GPM6A: variants seen among roughly 807,000 people sequenced by gnomAD.
The protein encoded by GPM6A is glycoprotein M6A, also known as neuronal membrane glycoprotein M6-a.
In GPM6A, 7 loss-of-function variants were observed where a neutral mutation model predicts 32.1. The ratio of observed to expected loss-of-function variants is 0.22; its 90% CI spans 0.12 to 0.41. The LOEUF (loss-of-function observed/expected upper bound fraction) is 0.41. Among genes scored for constraint, GPM6A ranks in the 10% least tolerant of loss-of-function variants. GPM6A has a pLI of 1.00. For synonymous variants in GPM6A, 130 were observed against 123.4 expected, an observed-to-expected ratio of 1.05 and a Z score of -0.35; for missense variants, 235 against 347.2, an observed-to-expected ratio of 0.68 and a Z score of 2.57.
chr4:175,724,727 A>C (rs187489534), intron 1 of GPM6A, among the ~76,000 whole-genome samples: 2 of 152,260 alleles, frequency 1.3e-5, no homozygotes, highest in Non-Finnish European at 2.9e-5. Flanking sequence ...TCAGATGAGA[A>C]TAGAATCAGG....
intron 1 of GPM6A, among the ~76,000 whole-genome samples, chr4:175,974,308 G>A (rs946406863): frequency 5.3e-5 from 8 of 152,200 alleles, no homozygotes; most frequent in African/African-American, 1.9e-4. Context: ...GTCCCTTTCA[G>A]ATCCACCCTG....
At chr4:175,850,468 G>C (rs1736218392) in intron 1 of GPM6A, among the ~76,000 whole-genome samples, 1 of 151,816 alleles carries the variant, frequency 6.6e-6, no homozygotes, top group Admixed American at 6.6e-5. Flanking sequence ...ACAAAAATAA[G>C]ACCACAAACA....
chr4:175,993,480 T>G (rs1741213837), intron 1 of GPM6A, among the ~76,000 whole-genome samples: 1 of 152,130 alleles, frequency 6.6e-6, no homozygotes, highest in East Asian at 1.9e-4. Flanking sequence ...TGCCTTAGTG[T>G]TTCTTTCACA....
chr4:175,787,400 C>T, intron 1 of GPM6A: 3 of 1,534,940 alleles, frequency 2.0e-6, no homozygotes, highest in Non-Finnish European at 2.6e-6. Flanking sequence ...TCTATTTTCC[C>T]TTGATTCAAG....
intron 1 of GPM6A, among the ~76,000 whole-genome samples, chr4:175,923,545 T>C (rs80023040): frequency 6.6e-6 from 1 of 151,324 alleles, no homozygotes. Flanking sequence ...TTGCTTTGTG[T>C]TTTTTTGTTG....
chr4:175,948,833 A>G (rs1739702768), intron 1 of GPM6A, among the ~76,000 whole-genome samples: 1 of 152,174 alleles, frequency 6.6e-6, no homozygotes, highest in Non-Finnish European at 1.5e-5. Flanking sequence ...ACTTACTATC[A>G]ATTGTTACTA....
intron 1 of GPM6A, among the ~76,000 whole-genome samples, chr4:175,844,271 T>A (rs1409067261): frequency 6.6e-6 from 1 of 152,230 alleles, no homozygotes; most frequent in Non-Finnish European, 1.5e-5. Flanking sequence ...TGTTCCTTTT[T>A]CTGAACAAAA....
chr4:175,886,674 T>A (rs1369927809), intron 1 of GPM6A, among the ~76,000 whole-genome samples: 8 of 143,124 alleles, frequency 5.6e-5, no homozygotes, highest in Non-Finnish European at 9.2e-5. Context: ...ATCAACGAAA[T>A]ACAACAGAGA....
At chr4:175,755,051 A>AT (rs958791014) in intron 1 of GPM6A, among the ~76,000 whole-genome samples, 3 of 149,596 alleles carry the variant, frequency 2.0e-5, no homozygotes, top group Non-Finnish European at 3.0e-5. Context: ...CTTCAAAAAA[A>AT]TTTTTTTGTG....
At chr4:175,933,609 C>T (rs1216765330) in intron 1 of GPM6A, among the ~76,000 whole-genome samples, 1 of 152,082 alleles carries the variant, frequency 6.6e-6, no homozygotes, top group Non-Finnish European at 1.5e-5. Context: ...TTTTCACGAT[C>T]TTGGCTCACT....
chr4:175,976,022 G>C (rs928632130), intron 1 of GPM6A, among the ~76,000 whole-genome samples: 3 of 152,114 alleles, frequency 2.0e-5, no homozygotes, highest in African/African-American at 7.2e-5. Context: ...TGAAAATTCA[G>C]TGATTTAGAC....
chr4:175,839,960 G>A (rs889758214), intron 1 of GPM6A, among the ~76,000 whole-genome samples: 13 of 152,138 alleles, frequency 8.5e-5, no homozygotes, highest in African/African-American at 3.1e-4. Flanking sequence ...CCTGAAGCGA[G>A]AGAGACCAAT....
chr4:175,847,259 A>C (rs1736119253), intron 1 of GPM6A, among the ~76,000 whole-genome samples: 1 of 152,182 alleles, frequency 6.6e-6, no homozygotes, highest in African/African-American at 2.4e-5. Context: ...TCCTTTCCTT[A>C]AGATGCTCAG....
chr4:175,641,648 C>G (rs1168356848), intron 4 of GPM6A: 1 of 152,088 alleles, frequency 6.6e-6, no homozygotes, highest in Non-Finnish European at 1.5e-5. Flanking sequence ...TTAGCATTTT[C>G]TGCTCTTTAG....
chr4:175,863,759 T>C (rs774215476), intron 1 of GPM6A, among the ~76,000 whole-genome samples: 2 of 152,198 alleles, frequency 1.3e-5, no homozygotes, highest in African/African-American at 2.4e-5. Context: ...CCCAATACTT[T>C]GGGATGCCGA....
intron 1 of GPM6A, among the ~76,000 whole-genome samples, chr4:175,985,088 C>A (rs1464703565): frequency 1.3e-5 from 2 of 152,174 alleles, no homozygotes; most frequent in Non-Finnish European, 2.9e-5. Context: ...TAGAACATCT[C>A]TTTTCCTTAC....
At chr4:175,803,791 TC>T (rs1194996217) in intron 1 of GPM6A, among the ~76,000 whole-genome samples, 3 of 152,066 alleles carry the variant, frequency 2.0e-5, no homozygotes, top group Non-Finnish European at 4.4e-5. Flanking sequence ...ATTGAAAAAC[TC>T]CTGGCCCTTA....
chr4:175,989,671 A>G (rs1373519599), intron 1 of GPM6A, among the ~76,000 whole-genome samples: 1 of 152,180 alleles, frequency 6.6e-6, no homozygotes, highest in Admixed American at 6.6e-5. Context: ...GATCAGTGTA[A>G]TAGTCCACTA....
intron 1 of GPM6A, among the ~76,000 whole-genome samples, chr4:175,923,423 T>C (rs147553882): frequency 1.7e-3 from 263 of 150,470 alleles, no homozygotes; most frequent in Non-Finnish European, 2.8e-3. Context: ...GAGGCAAGCA[T>C]ATACCTGCCT....
Sources: gnomAD v4.1 joint callset for allele counts (sites outside exome capture counted in the v4.1 genomes callset) on GRCh38, gnomAD v4.1.1 for gene constraint, MANE v1.5 for transcripts, NCBI Gene and HGNC (gene_info 2026-07-23, HGNC 2026-07-21) for gene names.